The following OR2D3 variants were observed in gnomAD, a reference collection of about 807,000 sequenced individuals.
OR2D3 encodes olfactory receptor 2D3.
For synonymous variants in OR2D3, 154 were observed against 145.8 expected (o/e 1.06, Z -0.40); for missense variants, 409 against 388.8 (o/e 1.05, Z -0.44).
Position 6,921,238 on chromosome 11 carries a change from T to C in OR2D3, c.237T>C (p.Leu79=), listed in dbSNP as rs916254994. ...SRLHTPMYFF[L]RNLSFADLCF... ...TTCACACTCCCATGTATTTTTTTCT[T>C]AGAAATCTCTCCTTTGCAGATCTCT... The change falls in exon 1 of 1, where the codon CTT becomes CTC. Residue 79 remains leucine (L), a synonymous_variant. Transcript: ENST00000317834. The C allele has an allele frequency of 1.2e-6, 2 of 1,614,156 alleles. No individual in the cohort carries two copies. The highest frequency in any genetic ancestry group is 2.2e-5 in the South Asian group (2 of 91,076).
Position 6,921,100 on chromosome 11 carries a change from T to G in OR2D3, c.99T>G (p.Leu33=). 1 of 1,614,038 alleles carries G rather than the reference T, an allele frequency of 6.2e-7. No individual in the cohort carries two copies. The highest frequency in any genetic ancestry group is 8.5e-7 in the Non-Finnish European group (1 of 1,179,956). Residue 33 remains leucine (L), a synonymous_variant, in exon 1 of 1, where the codon CTT becomes CTG. Transcript: ENST00000317834. ...TGTCCAAGTTTATCTTCCTGGGTCT[T>G]TCACAGGACTTGCAGACCCAGATCC... ...TFVSKFIFLG[L]SQDLQTQILL...
At position 6,921,350 on chromosome 11, in the gene OR2D3, A is replaced by G; in HGVS notation, c.349A>G (p.Ile117Val). 6.2e-7 allele frequency: 1 copy of G among 1,612,852 alleles called. No individual in the cohort carries two copies. Among genetic ancestry groups the G allele is most frequent in the Non-Finnish European group, 8.5e-7 (1 of 1,179,830 alleles). The change falls in exon 1 of 1, where the codon ATA becomes GTA. Residue 117 changes from isoleucine (I) to valine (V), a missense_variant. Physicochemically the swap from Ile to Val is conservative, Grantham distance 29 (BLOSUM62 3). Transcript: ENST00000317834. ...TTCTTTTTATGGGTGTATGACACAG[A>G]TAATTGTCTTTCTTCTGGTTGGGTG... ...TISFYGCMTQ[I>V]IVFLLVGCTE... is the part of the protein sequence containing the mutation.
chr11:6,921,892 G>T lies in OR2D3; in HGVS notation c.891G>T (p.Val297=). The T allele has an allele frequency of 6.2e-7, 1 of 1,613,838 alleles. No homozygotes were observed. The change falls in exon 1 of 1, where the codon GTG becomes GTT. Residue 297 remains valine, a synonymous_variant. Transcript: ENST00000317834. ...DKMISVFYTA[V]TPMLNPIIYS... is the part of the protein sequence containing the mutation. Reference sequence around the variant, plus strand: ...TGATATCTGTGTTCTATACAGCGGTGACTCCAATGTTGAACCCCATAATTT... The same window carrying T: ...TGATATCTGTGTTCTATACAGCGGTTACTCCAATGTTGAACCCCATAATTT...
chr11:6,921,281 GT>G lies in OR2D3; in HGVS notation c.281del (p.Val94AlafsTer10). 1.2e-6 allele frequency: 2 copies of G among 1,613,982 alleles called. No homozygotes were observed. Among genetic ancestry groups the G allele is most frequent in the Non-Finnish European group, 1.7e-6 (2 of 1,179,970 alleles). ...FADLCFSTSI[V>X]PQVLVHFLVK... ...AGATCTCTGTTTCTCTACTAGCATT[GT>G]CCCTCAAGTGTTGGTTCACTTCTTG... On this transcript the variant is annotated frameshift_variant, in exon 1 of 1. Transcript: ENST00000317834. LOFTEE classifies it low-confidence loss of function (END_TRUNC).
rs114466043 is a variant in OR2D3 at position 6,921,156 on chromosome 11, T to G, written c.155T>G (p.Leu52Arg). The G allele has an allele frequency of 6.2e-7, 1 of 1,614,224 alleles. No homozygotes were observed. The highest frequency in any genetic ancestry group is 1.3e-5 in the African/African-American group (1 of 75,054). Residue 52 changes from leucine (L) to arginine (R), a missense_variant, in exon 1 of 1, where the codon CTG (leucine) becomes CGG (arginine). By Grantham distance (102) the Leu-to-Arg change is moderately radical (BLOSUM62 -2). Coordinates refer to ENST00000317834, the MANE Select transcript of OR2D3 (RefSeq NM_001004684.1). ...TTTATCCTTTTCCTCATCATTTATC[T>G]GCTGACCGTGCTTGGAAACCAGCTC... ...LLFILFLIIY[L>R]LTVLGNQLII...
rs1848953080 is a variant in OR2D3, at chr11:6,921,726, T to C, written c.725T>C (p.Ile242Thr). The C allele has an allele frequency of 1.3e-6, 2 of 1,538,034 alleles. No individual in the cohort carries two copies. The highest frequency in any genetic ancestry group is 2.1e-5 in the Admixed American group (1 of 47,530). Residue 242 changes from isoleucine to threonine, a missense_variant, in exon 1 of 1, where the codon ATC becomes ACC. By Grantham distance (89) the Ile-to-Thr change is moderately conservative. Coordinates refer to ENST00000317834, the MANE Select transcript of OR2D3 (RefSeq NM_001004684.1). ...TATTGGAATATTATCTCCACTGTTA[T>C]CCAGATGCAGTCTGGGGAAGGGAGA... ...GSYWNIISTVIQMQSGEGRLK... is the reference protein window; with the variant it reads ...GSYWNIISTVTQMQSGEGRLK...
chr11:6,921,745 A>C lies in OR2D3; in HGVS notation c.744A>C (p.Glu248Asp), dbSNP rs1848953568. The change falls in exon 1 of 1, where the codon GAA becomes GAC. Residue 248 changes from glutamate (E) to aspartate (D), a missense_variant. Transcript: ENST00000317834. ...CTGTTATCCAGATGCAGTCTGGGGA[A>C]GGGAGACTCAAGGCTTTTTCCACCT... ...ISTVIQMQSG[E>D]GRLKAFSTCG... 3 of 1,536,204 alleles carry C rather than the reference A, an allele frequency of 2.0e-6. No homozygotes were observed. Among genetic ancestry groups the C allele is most frequent in the Non-Finnish European group, 2.6e-6 (3 of 1,145,484 alleles).
rs1848942056 is a variant in OR2D3 at position 6,921,063 on chromosome 11, A to T, written c.62A>T (p.Asn21Ile). Reference protein sequence around the residue: ...KQAKISMGEENQTFVSKFIFL... With the variant: ...KQAKISMGEEIQTFVSKFIFL... The stretch of plus-strand genomic sequence containing the variant: ...GCAAAAATATCAATGGGAGAAGAAA[A>T]CCAAACCTTTGTGTCCAAGTTTATC... Residue 21 changes from asparagine (N) to isoleucine (I), a missense_variant, in exon 1 of 1, where the codon AAC becomes ATC. Physicochemically the swap from Asn to Ile is moderately radical, Grantham distance 149 (BLOSUM62 -3). Transcript: ENST00000317834. 6.2e-7 allele frequency: 1 copy of T among 1,608,722 alleles called. No individual in the cohort carries two copies.
In OR2D3 at chr11:6,921,028, A is replaced by C; in HGVS notation, c.27A>C (p.Thr9=). 1 of 1,588,466 alleles carries C rather than the reference A, an allele frequency of 6.3e-7. No homozygotes were observed. MCSFFLCQ[T]GKQAKISMGE... ...TGTGTTCTTTTTTCTTGTGCCAAAC[A>C]GGTAAACAGGCAAAAATATCAATGG... Residue 9 remains threonine, a synonymous_variant, in exon 1 of 1, where the codon ACA becomes ACC. Coordinates refer to ENST00000317834, the MANE Select transcript of OR2D3 (RefSeq NM_001004684.1).
In OR2D3 at chr11:6,921,450, C is replaced by A; in HGVS notation, c.449C>A (p.Thr150Asn). The change falls in exon 1 of 1, where the codon ACC becomes AAC. Residue 150 changes from threonine (T) to asparagine (N), a missense_variant. Transcript: ENST00000317834. ...GTCTGCAAGCCCCTGTACTACTCTA[C>A]CATCATGACACAACGGGTGTGTCTC... ...VAVCKPLYYS[T>N]IMTQRVCLWL... 1 of 1,612,946 alleles carries A rather than the reference C, an allele frequency of 6.2e-7. No individual in the cohort carries two copies. Among genetic ancestry groups the A allele is most frequent in the African/African-American group, 1.3e-5 (1 of 75,028 alleles).
rs1044647313 is a variant in OR2D3, at chr11:6,921,363, T to C, written c.362T>C (p.Leu121Pro). The C allele has an allele frequency of 5.6e-6, 9 of 1,614,212 alleles. No individual in the cohort carries two copies. In the Middle Eastern group the frequency reaches 1.2e-3, roughly 207 times the overall value. ...YGCMTQIIVF[L>P]LVGCTECALL... ...TGTATGACACAGATAATTGTCTTTC[T>C]TCTGGTTGGGTGTACAGAGTGTGCG... The change falls in exon 1 of 1, where the codon CTT becomes CCT. Residue 121 changes from leucine to proline, a missense_variant. Coordinates refer to ENST00000317834, the MANE Select transcript of OR2D3 (RefSeq NM_001004684.1).
Position 6,921,121 on chromosome 11 carries a change from G to C in OR2D3, c.120G>C (p.Gln40His). ...FLGLSQDLQT[Q>H]ILLFILFLII... is the part of the protein sequence containing the mutation. ...GTCTTTCACAGGACTTGCAGACCCA[G>C]ATCCTGCTATTTATCCTTTTCCTCA... The change falls in exon 1 of 1, where the codon CAG (glutamine) becomes CAC (histidine). Residue 40 changes from glutamine to histidine, a missense_variant. Transcript: ENST00000317834. 6.2e-7 allele frequency: 1 copy of C among 1,614,142 alleles called. No homozygotes were observed. Among genetic ancestry groups the C allele is most frequent in the Non-Finnish European group, 8.5e-7 (1 of 1,180,022 alleles).
rs868122480 is a variant in OR2D3 at position 6,921,009 on chromosome 11, C to A, written c.8C>A (p.Ser3Tyr). The A allele has an allele frequency of 1.9e-5, 29 of 1,560,750 alleles. No homozygotes were observed. Among genetic ancestry groups the A allele is most frequent in the Non-Finnish European group, 2.5e-5 (29 of 1,158,110 alleles). Residue 3 changes from serine (S) to tyrosine (Y), a missense_variant, in exon 1 of 1, where the codon TCT (serine) becomes TAT (tyrosine). By Grantham distance (144) the Ser-to-Tyr change is moderately radical. Coordinates refer to ENST00000317834, the MANE Select transcript of OR2D3 (RefSeq NM_001004684.1). ...TGTCACAGACCCAAAAAAATGTGTTCTTTTTTCTTGTGCCAAACAGGTAAA... is the reference window on the plus strand; with the variant it reads ...TGTCACAGACCCAAAAAAATGTGTTATTTTTTCTTGTGCCAAACAGGTAAA... MCSFFLCQTGKQA... is the reference protein window; with the variant it reads MCYFFLCQTGKQA...
chr11:6,921,157 G>A lies in OR2D3; in HGVS notation c.156G>A (p.Leu52=). ...LLFILFLIIY[L]LTVLGNQLII... is the part of the protein sequence containing the mutation. ...TTATCCTTTTCCTCATCATTTATCT[G>A]CTGACCGTGCTTGGAAACCAGCTCA... The change falls in exon 1 of 1, where the codon CTG becomes CTA. Residue 52 remains leucine, a synonymous_variant. Coordinates refer to ENST00000317834, the MANE Select transcript of OR2D3 (RefSeq NM_001004684.1). 6.2e-7 allele frequency: 1 copy of A among 1,614,038 alleles called. No individual in the cohort carries two copies. Among genetic ancestry groups the A allele is most frequent in the South Asian group, 1.1e-5 (1 of 91,064 alleles).
In OR2D3 at chr11:6,921,957, AACTAGTTGGGAG is replaced by A; in HGVS notation, c.958_969del (p.Leu320_Arg323del). On this transcript the variant is annotated inframe_deletion, in exon 1 of 1. Transcript: ENST00000317834. ...AAAGATGTCAAAGGGGCTCTCAGGA[AACTAGTTGGGAG>A]AAAGTGCTTCTCTCATAGGCAGTGA... The A allele has an allele frequency of 6.2e-7, 1 of 1,614,188 alleles. No homozygotes were observed. Among genetic ancestry groups the A allele is most frequent in the Non-Finnish European group, 8.5e-7 (1 of 1,180,012 alleles).
At position 6,921,011 on chromosome 11, in the gene OR2D3, T is replaced by C; in HGVS notation, c.10T>C (p.Phe4Leu). 6.4e-7 allele frequency: 1 copy of C among 1,563,276 alleles called. No homozygotes were observed. Among genetic ancestry groups the C allele is most frequent in the Non-Finnish European group, 8.6e-7 (1 of 1,159,336 alleles). Reference protein sequence around the residue: MCSFFLCQTGKQAK... With the variant: MCSLFLCQTGKQAK... The stretch of plus-strand genomic sequence containing the variant: ...TCACAGACCCAAAAAAATGTGTTCT[T>C]TTTTCTTGTGCCAAACAGGTAAACA... Residue 4 changes from phenylalanine to leucine, a missense_variant, in exon 1 of 1, where the codon TTT becomes CTT. By Grantham distance (22) the Phe-to-Leu change is conservative. Transcript: ENST00000317834.
In OR2D3 at chr11:6,921,875, G is replaced by C; in HGVS notation, c.874G>C (p.Val292Leu). Residue 292 changes from valine to leucine, a missense_variant, in exon 1 of 1, where the codon GTG becomes CTG. Physicochemically the swap from Val to Leu is conservative, Grantham distance 32. Coordinates refer to ENST00000317834, the MANE Select transcript of OR2D3 (RefSeq NM_001004684.1). ...TTKELDKMIS[V>L]FYTAVTPMLN... ...AAAAGAACTGGATAAAATGATATCT[G>C]TGTTCTATACAGCGGTGACTCCAAT... 6.2e-7 allele frequency: 1 copy of C among 1,612,240 alleles called. No homozygotes were observed. The highest frequency in any genetic ancestry group is 8.5e-7 in the Non-Finnish European group (1 of 1,179,624).
rs1848955212 is a variant in OR2D3 at position 6,921,866 on chromosome 11, A to G, written c.865A>G (p.Met289Val). The G allele has an allele frequency of 6.2e-7, 1 of 1,610,728 alleles. No homozygotes were observed. The highest frequency in any genetic ancestry group is 8.5e-7 in the Non-Finnish European group (1 of 1,179,242). The change falls in exon 1 of 1, where the codon ATG becomes GTG. Residue 289 changes from methionine (M) to valine (V), a missense_variant. By Grantham distance (21) the Met-to-Val change is conservative. Coordinates refer to ENST00000317834, the MANE Select transcript of OR2D3 (RefSeq NM_001004684.1). ...CAAGACTACAAAAGAACTGGATAAA[A>G]TGATATCTGTGTTCTATACAGCGGT... ...NSKTTKELDK[M>V]ISVFYTAVTP...
At position 6,921,975 on chromosome 11, in the gene OR2D3, G is replaced by A. The variant is rs1301341012; in HGVS notation, c.974G>A (p.Cys325Tyr). 2.5e-6 allele frequency: 4 copies of A among 1,613,980 alleles called. No homozygotes were observed. The highest frequency in any genetic ancestry group is 3.4e-6 in the Non-Finnish European group (4 of 1,180,010). Residue 325 changes from cysteine to tyrosine, a missense_variant, in exon 1 of 1, where the codon TGC (cysteine) becomes TAC (tyrosine). Coordinates refer to ENST00000317834, the MANE Select transcript of OR2D3 (RefSeq NM_001004684.1). ...GALRKLVGRK[C>Y]FSHRQ is the part of the protein sequence containing the mutation. ...CTCAGGAAACTAGTTGGGAGAAAGT[G>A]CTTCTCTCATAGGCAGTGACCTCTG...
Sources: allele counts gnomAD v4.1 joint callset, GRCh38; gene constraint gnomAD v4.1.1; transcripts MANE v1.5; gene names NCBI Gene and HGNC (gene_info 2026-07-23, HGNC 2026-07-21).